IDH1: variants seen among roughly 807,000 people sequenced by gnomAD.
IDH1 encodes isocitrate dehydrogenase (NADP(+)) 1.
In IDH1, 33 loss-of-function variants were observed where a neutral mutation model predicts 46.1. That is an observed-to-expected ratio of 0.72 (90% CI 0.54 to 0.96). The LOEUF is 0.96. IDH1 is among the 40% of genes least tolerant of loss of function. IDH1 has a pLI of 0.00. For missense variants in IDH1, 421 were observed against 515.7 expected (o/e 0.82, Z 1.78); for synonymous variants, 144 against 172.8 (o/e 0.83, Z 1.31).
intron 7 of IDH1, 75 bp downstream of exon 7, chr2:208,241,919 C>T: frequency 6.7e-7 from 1 of 1,498,746 alleles, no homozygotes; most frequent in Non-Finnish European, 9.3e-7. Flanking sequence ...CAAAGGACTA[C>T]AAAACTCCCC....
At chr2:208,241,869 G>A (rs1687925408) in intron 7 of IDH1, 125 bp downstream of exon 7, 1 of 912,640 alleles carries the variant, frequency 1.1e-6, no homozygotes. Context: ...TGTCAGGTAA[G>A]ACGGTGGACC....
Position 208,240,006 on chromosome 2 carries a change from G to A in IDH1, c.851-3C>T, listed in dbSNP as rs2124849192. ...CATCATGCCGAGAGAGCCATACCCT[G>A]TAAGTAGTGGAGCATGAAGCGTTGG... On this transcript the variant is annotated splice_polypyrimidine_tract_variant and splice_region_variant and intron_variant, in intron 7 of 9. Coordinates refer to ENST00000345146, the MANE Select transcript of IDH1 (RefSeq NM_005896.4). 3 of 1,614,186 alleles carry A rather than the reference G, an allele frequency of 1.9e-6. No individual in the cohort carries two copies. Among genetic ancestry groups the A allele is most frequent in the Non-Finnish European group, 2.5e-6 (3 of 1,180,032 alleles).
At chr2:208,240,747 C>T (rs1169224618) in intron 7 of IDH1, among the ~76,000 whole-genome samples, 1 of 152,146 alleles carries the variant, frequency 6.6e-6, no homozygotes, top group African/African-American at 2.4e-5. Flanking sequence ...TGCTACCTCC[C>T]AACATCACCT....
intron 5 of IDH1, among the ~76,000 whole-genome samples, chr2:208,245,027 G>T (rs1687989506): frequency 6.6e-6 from 1 of 152,208 alleles, no homozygotes; most frequent in Non-Finnish European, 1.5e-5. Context: ...TTCATGCACA[G>T]CAGATTTCTG....
At chr2:208,246,309 G>A (rs1688021478) in intron 4 of IDH1, among the ~76,000 whole-genome samples, 1 of 152,188 alleles carries the variant, frequency 6.6e-6, no homozygotes, top group South Asian at 2.1e-4. Context: ...TACTTGCAGA[G>A]TTAGGTACCA....
chr2:208,241,389 ATTTT>A (rs35384132), intron 7 of IDH1, among the ~76,000 whole-genome samples: 6 of 119,928 alleles, frequency 5.0e-5, no homozygotes, highest in African/African-American at 6.1e-5. Context: ...CACCTGGCTA[ATTTT>A]TTTTTTTTTT....
At chr2:208,253,196 T>C (rs1460388021) in intron 2 of IDH1, among the ~76,000 whole-genome samples, 2 of 152,266 alleles carry the variant, frequency 1.3e-5, no homozygotes, top group Non-Finnish European at 2.9e-5. Flanking sequence ...GATATCTTTT[T>C]AGTTCACTAT....
At chr2:208,241,640 T>C (rs755234796) in intron 7 of IDH1, among the ~76,000 whole-genome samples, 38 of 152,164 alleles carry the variant, frequency 2.5e-4, no homozygotes, top group Non-Finnish European at 3.2e-4. Context: ...GGTTATGACA[T>C]GATCAAGCTC....
Position 208,236,869 on chromosome 2 carries a change from A to T in IDH1, c.*210T>A. ...GCTGGTACTAGAAAATAAAATAAAA[A>T]TTGTAAAAAAGTCCCTTGCCATGTT... On this transcript the variant is annotated 3_prime_UTR_variant, in exon 10 of 10. Coordinates refer to ENST00000345146, the MANE Select transcript of IDH1 (RefSeq NM_005896.4). 1 of 549,206 alleles carries T rather than the reference A, an allele frequency of 1.8e-6. No homozygotes were observed. Among genetic ancestry groups the T allele is most frequent in the Non-Finnish European group, 3.2e-6 (1 of 311,600 alleles). The allele number at this position is 549,206 out of a possible 1,614,324, so 34.0% of individuals were successfully genotyped here. A position where few individuals can be genotyped will look rare whatever the true frequency, so the allele number is the denominator to read the frequency against.
intron 2 of IDH1, among the ~76,000 whole-genome samples, chr2:208,253,343 C>G: frequency 6.6e-6 from 1 of 152,212 alleles, no homozygotes; most frequent in Non-Finnish European, 1.5e-5. Context: ...AACAGTGAAG[C>G]TTTATTGTTA....
rs1376614580 is a variant in IDH1, at chr2:208,248,557, T to C, written c.226A>G (p.Ile76Val). ...TCAACCCTCTTCTCATCAGGAGTGA[T>C]AGTGGCACATTTGACGCCAACATTA... ...KHNVGVKCAT[I>V]TPDEKRVEEF... Residue 76 changes from isoleucine to valine, a missense_variant, in exon 4 of 10, where the codon ATC becomes GTC. Physicochemically the swap from Ile to Val is conservative, Grantham distance 29. Coordinates refer to ENST00000345146, the MANE Select transcript of IDH1 (RefSeq NM_005896.4). 1.2e-5 allele frequency: 19 copies of C among 1,614,036 alleles called. No individual in the cohort carries two copies. Among genetic ancestry groups the C allele is most frequent in the South Asian group, 4.4e-5 (4 of 91,090 alleles).
Position 208,248,486 on chromosome 2 carries a change from T to C in IDH1, c.297A>G (p.Ile99Met), listed in dbSNP as rs142883642. 9.9e-6 allele frequency: 16 copies of C among 1,614,212 alleles called. No homozygotes were observed. The East Asian group carries it at 3.6e-4, about 36-fold the overall frequency. ...KQMWKSPNGT[I>M]RNILGGTVFR... ...AGACCGTGCCACCCAGAATATTTCGTATGGTGCCATTTGGTGATTTCCACA... is the reference window on the plus strand; with the variant it reads ...AGACCGTGCCACCCAGAATATTTCGCATGGTGCCATTTGGTGATTTCCACA... Residue 99 changes from isoleucine (I) to methionine (M), a missense_variant, in exon 4 of 10, where the codon ATA becomes ATG. Coordinates refer to ENST00000345146, the MANE Select transcript of IDH1 (RefSeq NM_005896.4).
chr2:208,246,393 A>C (rs1322661652), intron 4 of IDH1, among the ~76,000 whole-genome samples: 1 of 152,200 alleles, frequency 6.6e-6, no homozygotes, highest in East Asian at 1.9e-4. Flanking sequence ...AGTAACAATA[A>C]AGATTAAACA....
chr2:208,241,386 C>G (rs948592654), intron 7 of IDH1, among the ~76,000 whole-genome samples: 1 of 105,434 alleles, frequency 9.5e-6, no homozygotes, highest in Non-Finnish European at 1.8e-5. Flanking sequence ...CCACACCTGG[C>G]TAATTTTTTT....
chr2:208,253,498 C>G (rs1353687636), intron 2 of IDH1, among the ~76,000 whole-genome samples: 2 of 152,186 alleles, frequency 1.3e-5, no homozygotes, highest in African/African-American at 4.8e-5. Flanking sequence ...AAGGGCTGTT[C>G]CAAGACCAGC....
At chr2:208,243,346 G>C (rs1687955427) in intron 6 of IDH1, 81 bp downstream of exon 6, 1 of 1,066,652 alleles carries the variant, frequency 9.4e-7, no homozygotes, top group East Asian at 2.4e-5. Flanking sequence ...CAGAATCATA[G>C]GGATAGGGAG....
intron 3 of IDH1, among the ~76,000 whole-genome samples, chr2:208,250,782 ACAT>A (rs959090958): frequency 1.3e-5 from 2 of 152,230 alleles, no homozygotes; most frequent in Non-Finnish European, 2.9e-5. Flanking sequence ...CAACTAAGAA[ACAT>A]CATGAATTCT....
At chr2:208,251,929 T>C (rs1019248144) in intron 2 of IDH1, among the ~76,000 whole-genome samples, 1 of 152,156 alleles carries the variant, frequency 6.6e-6, no homozygotes, top group Admixed American at 6.5e-5. Flanking sequence ...CCCTTCATAA[T>C]GCAATCATTA....
rs569424950 is a variant in IDH1 at position 208,245,451 on chromosome 2, G to GA, written c.415-28dup. ...TGTGTAGAGGGGAAAAAGGTATAAA[G>GA]AAAAAAAAAATACCCTAGCAGGAAT... On this transcript the variant is annotated intron_variant, in intron 4 of 9. Transcript: ENST00000345146. 5.3e-3 allele frequency: 5,631 copies of GA among 1,056,136 alleles called. 3 individuals carry two copies. Among genetic ancestry groups the GA allele is most frequent in the South Asian group, 0.013 (913 of 72,178 alleles). The allele number at this position is 1,056,136 out of a possible 1,614,324, so 65.4% of individuals were successfully genotyped here.
Sources: gnomAD v4.1 joint callset for allele counts (sites outside exome capture counted in the v4.1 genomes callset) on GRCh38, gnomAD v4.1.1 for gene constraint, MANE v1.5 for transcripts, NCBI Gene and HGNC (gene_info 2026-07-23, HGNC 2026-07-21) for gene names.